Variants in CNTLN observed in about 807,000 individuals in gnomAD.
The protein encoded by CNTLN is centlein.
CNTLN carries 212 observed loss-of-function variants against 180.0 expected under a neutral mutation model. That is an observed-to-expected ratio of 1.18 (90% CI 1.05 to 1.32). The LOEUF (loss-of-function observed/expected upper bound fraction) is 1.32. CNTLN is among the 40% of genes most tolerant of loss of function. The pLI is 0.00. For missense variants in CNTLN, 2,095 were observed against 1,610.9 expected (o/e 1.30, Z -5.14); for synonymous variants, 722 against 563.1 (o/e 1.28, Z -3.99).
chr9:17,326,285 A>G (rs1271098458), intron 8 of CNTLN, among the ~76,000 whole-genome samples: 4 of 152,086 alleles, frequency 2.6e-5, no homozygotes, highest in Non-Finnish European at 5.9e-5. Flanking sequence ...AGGGAGCAAA[A>G]TATTTTTAAT....
chr9:17,314,222 T>TAGAGAAAA (rs1819398788), intron 8 of CNTLN, among the ~76,000 whole-genome samples: 2 of 152,182 alleles, frequency 1.3e-5, no homozygotes, highest in Non-Finnish European at 2.9e-5. Flanking sequence ...AAATCCGTAT[T>TAGAGAAAA]TTCCTTCTCT....
chr9:17,316,822 C>T (rs1036164118), intron 8 of CNTLN, among the ~76,000 whole-genome samples: 32 of 151,900 alleles, frequency 2.1e-4, no homozygotes, highest in African/African-American at 7.7e-4. Context: ...TTAGTGCTTA[C>T]CCTGGGGGGG....
rs968490270 is a variant in CNTLN at position 17,259,165 on chromosome 9, T to G, written c.850-14568T>G. Among the ~76,000 whole-genome samples, 14 of 149,040 alleles carry G rather than the reference T, an allele frequency of 9.4e-5. 1 individual carries two copies. The highest frequency in any genetic ancestry group is 3.3e-4 in the African/African-American group (13 of 39,306). On this transcript the variant is annotated intron_variant, in intron 5 of 25. Coordinates refer to ENST00000380647, the MANE Select transcript of CNTLN (RefSeq NM_017738.4). ...TACGTCCCATCAATACCTAATTTAT[T>G]GAGAGTTTTTAGCATGAAGGGTTGT...
intron 5 of CNTLN, among the ~76,000 whole-genome samples, 190 bp from the exon 6 acceptor site, chr9:17,273,540 GTTT>G (rs953199480): frequency 1.1e-4 from 16 of 151,988 alleles, no homozygotes; most frequent in Non-Finnish European, 2.1e-4. Context: ...AGGCCATGAT[GTTT>G]TTAAGTTTTT....
chr9:17,350,786 C>A (rs1031853380), intron 12 of CNTLN, among the ~76,000 whole-genome samples: 1 of 152,104 alleles, frequency 6.6e-6, no homozygotes, highest in Non-Finnish European at 1.5e-5. Context: ...CCCTTTCTAT[C>A]CCTAATTGCT....
Position 17,135,316 on chromosome 9 carries a change from T to C in CNTLN, c.251T>C (p.Met84Thr), listed in dbSNP as rs930148230. Residue 84 changes from methionine (M) to threonine (T), a missense_variant, in exon 1 of 26, where the codon ATG becomes ACG. Met to Thr is a moderately conservative substitution (Grantham distance 81). Coordinates refer to ENST00000380647, the MANE Select transcript of CNTLN (RefSeq NM_017738.4). ...PAHAPLLSAP[M>T]GSRRLEGISV... ...CATGCTCCCCTCCTCAGCGCGCCCATGGGGTCCAGACGGCTAGAGGGCATC... is the reference window on the plus strand; with the variant it reads ...CATGCTCCCCTCCTCAGCGCGCCCACGGGGTCCAGACGGCTAGAGGGCATC... 1.5e-5 allele frequency: 24 copies of C among 1,602,032 alleles called. No individual in the cohort carries two copies. The highest frequency in any genetic ancestry group is 2.0e-5 in the Non-Finnish European group (24 of 1,175,336).
chr9:17,400,939 T>C (rs932428980), intron 15 of CNTLN, among the ~76,000 whole-genome samples: 1 of 152,212 alleles, frequency 6.6e-6, no homozygotes, highest in African/African-American at 2.4e-5. Context: ...CACACACACA[T>C]AAAAATCTTT....
intron 16 of CNTLN, among the ~76,000 whole-genome samples, chr9:17,414,164 C>G (rs977482229): frequency 6.6e-6 from 1 of 152,328 alleles, no homozygotes; most frequent in East Asian, 1.9e-4. Context: ...TTCAAGGTCA[C>G]AAGGGATTGT....
intron 5 of CNTLN, 131 bp downstream of exon 5, chr9:17,236,719 C>T: frequency 1.5e-6 from 1 of 652,468 alleles, no homozygotes; most frequent in Non-Finnish European, 2.4e-6. Context: ...AATTTATATT[C>T]TTTCACTTAA....
intron 5 of CNTLN, among the ~76,000 whole-genome samples, chr9:17,239,143 A>G (rs142115900): frequency 8.5e-5 from 13 of 152,182 alleles, no homozygotes; most frequent in African/African-American, 2.6e-4. Flanking sequence ...GGTTCAAGCT[A>G]TTCTCCTCCC....
At chr9:17,281,994 C>A (rs567009504) in intron 6 of CNTLN, among the ~76,000 whole-genome samples, 3 of 152,064 alleles carry the variant, frequency 2.0e-5, no homozygotes, top group Non-Finnish European at 4.4e-5. Context: ...GACGAAGTCT[C>A]GCTCTGTTGC....
At chr9:17,329,548 C>G (rs1159907260) in intron 8 of CNTLN, among the ~76,000 whole-genome samples, 1 of 151,762 alleles carries the variant, frequency 6.6e-6, no homozygotes, top group African/African-American at 2.4e-5. Context: ...AGGTTGGAAA[C>G]AAATGAGGTG....
At chr9:17,365,637 A>G (rs1160873217) in intron 12 of CNTLN, among the ~76,000 whole-genome samples, 1 of 152,060 alleles carries the variant, frequency 6.6e-6, no homozygotes, top group African/African-American at 2.4e-5. Context: ...TTTCATTACT[A>G]TTTTGCCTAG....
chr9:17,279,503 C>T lies in CNTLN; in HGVS notation c.983+5637C>T, dbSNP rs537014905. On this transcript the variant is annotated intron_variant, in intron 6 of 25. Transcript: ENST00000380647. Reference sequence around the variant, plus strand: ...CGTTGTTTGATTTGCCTTTGCTTTTCACCTTTTTCCAGGAGAACAGCCTAT... The same window carrying T: ...CGTTGTTTGATTTGCCTTTGCTTTTTACCTTTTTCCAGGAGAACAGCCTAT... Among the ~76,000 whole-genome samples the T allele has an allele frequency of 2.6e-5, 4 of 152,262 alleles. No individual in the cohort carries two copies. The East Asian group carries it at 7.7e-4, about 29-fold the overall frequency.
At chr9:17,374,777 C>G (rs1824612910) in intron 13 of CNTLN, among the ~76,000 whole-genome samples, 1 of 151,820 alleles carries the variant, frequency 6.6e-6, no homozygotes, top group Non-Finnish European at 1.5e-5. Context: ...AAGAGAATCC[C>G]TTGAACCAGG....
At chr9:17,231,756 TTAAC>T (rs1368615498) in intron 3 of CNTLN, among the ~76,000 whole-genome samples, 1 of 151,798 alleles carries the variant, frequency 6.6e-6, no homozygotes, top group Non-Finnish European at 1.5e-5. Context: ...AAATAATAAA[TTAAC>T]TATGCTCAAG....
intron 11 of CNTLN, among the ~76,000 whole-genome samples, chr9:17,341,524 C>A (rs904022149): frequency 6.6e-6 from 1 of 152,028 alleles, no homozygotes; most frequent in Non-Finnish European, 1.5e-5. Flanking sequence ...GTAAGTGGCT[C>A]CCCTGTTAAC....
intron 7 of CNTLN, chr9:17,298,677 G>C: frequency 2.0e-6 from 2 of 1,008,990 alleles, no homozygotes; most frequent in Non-Finnish European, 2.4e-6. Context: ...TCCTCGGCCT[G>C]CTATTACAAG....
chr9:17,178,413 A>G (rs1450974192), intron 2 of CNTLN, among the ~76,000 whole-genome samples: 2 of 151,792 alleles, frequency 1.3e-5, no homozygotes, highest in African/African-American at 4.8e-5. Context: ...CTGTGCCCGC[A>G]CTCCTCAGCC....
Sources: allele counts gnomAD v4.1 joint callset (sites outside exome capture counted in the v4.1 genomes callset), GRCh38; gene constraint gnomAD v4.1.1; transcripts MANE v1.5; gene names NCBI Gene and HGNC (gene_info 2026-07-23, HGNC 2026-07-21).